CSMD1: variants seen among roughly 807,000 people sequenced by gnomAD.
The protein encoded by CSMD1 is CUB and Sushi multiple domains 1, also known as CUB and sushi domain-containing protein 1.
Under a neutral mutation model 417.5 loss-of-function variants are expected in CSMD1, and 213 were observed. The ratio of observed to expected loss-of-function variants is 0.51; its 90% CI spans 0.46 to 0.57. The LOEUF is 0.57. Among genes scored for constraint, CSMD1 ranks in the 20% least tolerant of loss-of-function variants. The pLI is 0.00. For synonymous variants in CSMD1, 2,862 were observed against 1,736.8 expected (o/e 1.65, Z -16.11); for missense variants, 6,923 against 4,529.7 (o/e 1.53, Z -15.17).
chr8:4,722,151 A>G (rs1006484667), intron 1 of CSMD1, among the ~76,000 whole-genome samples: 9 of 152,140 alleles, frequency 5.9e-5, no homozygotes, highest in Non-Finnish European at 8.8e-5. Flanking sequence ...ACTAAGAGAG[A>G]AGATGTAAGA....
chr8:4,416,978 C>G (rs917675283), intron 3 of CSMD1, among the ~76,000 whole-genome samples: 2 of 152,020 alleles, frequency 1.3e-5, no homozygotes, highest in African/African-American at 2.4e-5. Context: ...TTGTCAAAGA[C>G]AGCTATGCAA....
At chr8:4,349,385 G>C in intron 3 of CSMD1, among the ~76,000 whole-genome samples, 1 of 152,170 alleles carries the variant, frequency 6.6e-6, no homozygotes, top group East Asian at 1.9e-4. Flanking sequence ...GCATCCTTTT[G>C]TGGTAGGCAG....
At chr8:4,344,346 G>C (rs1318180440) in intron 3 of CSMD1, among the ~76,000 whole-genome samples, 1 of 151,912 alleles carries the variant, frequency 6.6e-6, no homozygotes, top group Non-Finnish European at 1.5e-5. Context: ...CATCTTTCAG[G>C]TTTGGTACAT....
At chr8:4,407,568 T>G (rs1018865584) in intron 3 of CSMD1, among the ~76,000 whole-genome samples, 2 of 152,230 alleles carry the variant, frequency 1.3e-5, no homozygotes, top group African/African-American at 2.4e-5. Flanking sequence ...TAGTAATGTA[T>G]AAATGAAATG....
chr8:3,103,119 A>G lies in CSMD1; in HGVS notation c.6949+3409T>C, dbSNP rs182955352. Among the ~76,000 whole-genome samples the G allele has an allele frequency of 2.8e-3, 426 of 152,364 alleles. 7 individuals are homozygous for G. The highest frequency in any genetic ancestry group is 2.0e-3 in the Non-Finnish European group (135 of 68,044). Reference sequence around the variant, plus strand: ...CAGACCTTAGCTGTAGATTTTAAAAAGTTAATCACTTATGTCTTTAAATAA... The same window carrying G: ...CAGACCTTAGCTGTAGATTTTAAAAGGTTAATCACTTATGTCTTTAAATAA... On this transcript the variant is annotated intron_variant, in intron 46 of 69. Coordinates refer to ENST00000635120, the MANE Select transcript of CSMD1 (RefSeq NM_033225.6).
At chr8:3,428,197 T>G (rs1319794981) in intron 12 of CSMD1, among the ~76,000 whole-genome samples, 1 of 152,198 alleles carries the variant, frequency 6.6e-6, no homozygotes, top group Non-Finnish European at 1.5e-5. Context: ...AAGTGATATG[T>G]GAGCTACGTA....
At chr8:4,244,308 T>A (rs925506806) in intron 3 of CSMD1, among the ~76,000 whole-genome samples, 2 of 152,100 alleles carry the variant, frequency 1.3e-5, no homozygotes, top group African/African-American at 4.8e-5. Flanking sequence ...TGCAGTCTTG[T>A]CTCCATGCCT....
At chr8:4,820,448 G>A (rs563546611) in intron 1 of CSMD1, among the ~76,000 whole-genome samples, 2 of 152,198 alleles carry the variant, frequency 1.3e-5, no homozygotes, top group South Asian at 4.1e-4. Context: ...AGCCATTTCT[G>A]CACTGGTTTT....
At chr8:3,827,850 G>A (rs1201642539) in intron 5 of CSMD1, among the ~76,000 whole-genome samples, 1 of 152,178 alleles carries the variant, frequency 6.6e-6, no homozygotes, top group Non-Finnish European at 1.5e-5. Context: ...CACAGTGCAT[G>A]TCACAGAAGA....
At chr8:4,882,273 C>T (rs1032397447) in intron 1 of CSMD1, among the ~76,000 whole-genome samples, 3 of 151,730 alleles carry the variant, frequency 2.0e-5, no homozygotes, top group Non-Finnish European at 2.9e-5. Flanking sequence ...CCTTCTCCTC[C>T]CACCTCTCTA....
At chr8:2,962,817 G>C (rs1007248679) in intron 60 of CSMD1, among the ~76,000 whole-genome samples, 178 bp from the exon 61 acceptor site, 12 of 152,208 alleles carry the variant, frequency 7.9e-5, no homozygotes, top group Non-Finnish European at 1.6e-4. Flanking sequence ...GGGAGGCAGA[G>C]GCAGGCGGAT....
At chr8:4,696,934 G>A (rs915678932) in intron 1 of CSMD1, among the ~76,000 whole-genome samples, 10 of 152,296 alleles carry the variant, frequency 6.6e-5, no homozygotes, top group Admixed American at 1.3e-4. Context: ...AGCACTTTAG[G>A]AGGCCGAGCT....
At chr8:4,014,962 G>C (rs762960089) in intron 4 of CSMD1, among the ~76,000 whole-genome samples, 2 of 152,178 alleles carry the variant, frequency 1.3e-5, no homozygotes, top group African/African-American at 4.8e-5. Context: ...CGTGAATGAC[G>C]TGCTTGGCAG....
At chr8:3,450,873 C>T (rs1195924033) in intron 12 of CSMD1, among the ~76,000 whole-genome samples, 3 of 151,626 alleles carry the variant, frequency 2.0e-5, no homozygotes, top group East Asian at 3.9e-4. Context: ...AGTTCTAGAT[C>T]CCTGAGGAAT....
intron 50 of CSMD1, among the ~76,000 whole-genome samples, chr8:3,039,342 TCCGC>T (rs1563266896): frequency 2.0e-3 from 271 of 136,954 alleles, no homozygotes; most frequent in African/African-American, 8.5e-3. Flanking sequence ...TTTCTTCCTT[TCCGC>T]CTTCCTTCCT....
At chr8:4,696,402 A>T (rs1187273090) in intron 1 of CSMD1, among the ~76,000 whole-genome samples, 1 of 152,224 alleles carries the variant, frequency 6.6e-6, no homozygotes, top group African/African-American at 2.4e-5. Context: ...TTAACTCTTT[A>T]TCACTGAAAC....
chr8:3,858,726 T>G (rs1715580942), intron 5 of CSMD1, among the ~76,000 whole-genome samples: 2 of 152,154 alleles, frequency 1.3e-5, no homozygotes, highest in Admixed American at 1.3e-4. Flanking sequence ...TAAATCAGAT[T>G]ACATTTTCAA....
chr8:4,940,100 G>T (rs56039742), intron 1 of CSMD1, among the ~76,000 whole-genome samples: 35,472 of 151,986 alleles, frequency 0.23, 4,295 homozygotes, highest in East Asian at 0.38. Context: ...TGAACTACCG[G>T]GGGCTGCTGA....
At chr8:4,847,043 T>A (rs1487865513) in intron 1 of CSMD1, among the ~76,000 whole-genome samples, 4 of 152,168 alleles carry the variant, frequency 2.6e-5, no homozygotes, top group Non-Finnish European at 4.4e-5. Context: ...AAAAGCATTC[T>A]TGTTCTGATA....
Sources: gnomAD v4.1 joint callset for allele counts (sites outside exome capture counted in the v4.1 genomes callset) on GRCh38, gnomAD v4.1.1 for gene constraint, MANE v1.5 for transcripts, NCBI Gene and HGNC (gene_info 2026-07-23, HGNC 2026-07-21) for gene names.